The following FANK1 variants were observed in gnomAD, a reference collection of about 807,000 sequenced individuals.
FANK1 encodes fibronectin type III and ankyrin repeat domains 1.
FANK1 carries 44 observed loss-of-function variants against 45.3 expected under a neutral mutation model. The ratio of observed to expected loss-of-function variants is 0.97; its 90% CI spans 0.76 to 1.25. FANK1 has a LOEUF of 1.25. FANK1 is among the 50% of genes most tolerant of loss of function. The probability of loss-of-function intolerance (pLI) is 0.00; values close to 1 mark genes in which losing one functional copy is unlikely to be tolerated. For synonymous variants in FANK1, 149 were observed against 152.5 expected (o/e 0.98, Z 0.17); for missense variants, 391 against 424.4 (o/e 0.92, Z 0.69).
chr10:125,907,743 T>C (rs1399703322), intron 1 of FANK1, among the ~76,000 whole-genome samples: 1 of 152,076 alleles, frequency 6.6e-6, no homozygotes, highest in Non-Finnish European at 1.5e-5. Context: ...TGTGACCATA[T>C]TGAGAAAGCC....
chr10:125,944,135 G>A (rs980356036), intron 1 of FANK1, among the ~76,000 whole-genome samples: 1 of 152,224 alleles, frequency 6.6e-6, no homozygotes, highest in Non-Finnish European at 1.5e-5. Flanking sequence ...TTGGTTTGCT[G>A]TAGAACATGA....
chr10:126,002,721 C>G (rs904243223), intron 6 of FANK1, among the ~76,000 whole-genome samples: 1 of 151,174 alleles, frequency 6.6e-6, no homozygotes, highest in Non-Finnish European at 1.5e-5. Context: ...GTATACCCCC[C>G]ACCTAGGCTT....
chr10:125,939,499 G>A (rs1205556578), intron 1 of FANK1, among the ~76,000 whole-genome samples: 4 of 152,122 alleles, frequency 2.6e-5, no homozygotes, highest in Non-Finnish European at 4.4e-5. Flanking sequence ...AAGCAAATGT[G>A]GCAACATTTT....
At chr10:125,955,980 A>G (rs1949547752) in intron 1 of FANK1, among the ~76,000 whole-genome samples, 2 of 152,156 alleles carry the variant, frequency 1.3e-5, no homozygotes, top group Admixed American at 1.3e-4. Context: ...TAGTCAACGG[A>G]ACTATGACTC....
intron 1 of FANK1, chr10:125,979,712 C>G (rs1383618481): frequency 5.7e-6 from 2 of 353,518 alleles, no homozygotes; most frequent in East Asian, 8.1e-5. Context: ...GGCCTTTATT[C>G]CTGGTTAGTT....
intron 1 of FANK1, among the ~76,000 whole-genome samples, chr10:125,956,560 T>C (rs1949590115): frequency 1.3e-5 from 2 of 152,222 alleles, no homozygotes; most frequent in Non-Finnish European, 2.9e-5. Context: ...ACAGAAAATA[T>C]ACCACAGGTA....
At position 125,936,334 on chromosome 10, in the gene FANK1, T is replaced by G. The variant is rs1948094319; in HGVS notation, c.13+39679T>G. The stretch of plus-strand genomic sequence containing the variant: ...TAACTGAAATTTAAACATAACTTTT[T>G]ATAGAAATAAAAAGGATATACAGAA... On this transcript the variant is annotated intron_variant, in intron 1 of 10. Coordinates refer to ENST00000368693, the MANE Select transcript of FANK1 (RefSeq NM_145235.5). Among the ~76,000 whole-genome samples the G allele has an allele frequency of 2.0e-5, 3 of 151,496 alleles. No individual in the cohort carries two copies. In the South Asian group the frequency reaches 6.2e-4, roughly 31 times the overall value.
chr10:125,900,642 T>TTTG (rs1944954803), intron 1 of FANK1, among the ~76,000 whole-genome samples: 1 of 151,956 alleles, frequency 6.6e-6, no homozygotes, highest in Non-Finnish European at 1.5e-5. Context: ...TTTTTGTTTG[T>TTTG]TTGTTTGTTG....
At chr10:125,975,765 G>A (rs1348719698) in intron 1 of FANK1, among the ~76,000 whole-genome samples, 1 of 152,180 alleles carries the variant, frequency 6.6e-6, no homozygotes, top group Admixed American at 6.5e-5. Context: ...GGGGCATTTA[G>A]CCTGTTTACA....
intron 1 of FANK1, among the ~76,000 whole-genome samples, chr10:125,935,565 C>G (rs1948041763): frequency 6.6e-6 from 1 of 151,960 alleles, no homozygotes. Flanking sequence ...GGGGAGTTGT[C>G]TTTAAGAAAA....
chr10:125,957,421 A>G (rs950634908), intron 1 of FANK1, among the ~76,000 whole-genome samples: 4 of 121,706 alleles, frequency 3.3e-5, no homozygotes, highest in Non-Finnish European at 7.4e-5. Context: ...TGTATCTTGT[A>G]TGGTTTCTCT....
intron 1 of FANK1, among the ~76,000 whole-genome samples, chr10:125,920,669 A>G (rs1946881855): frequency 6.6e-6 from 1 of 152,234 alleles, no homozygotes; most frequent in Non-Finnish European, 1.5e-5. Flanking sequence ...GTTGACCCAG[A>G]GGAACCACTG....
rs368728825 is a variant in FANK1, at chr10:125,979,579, A to G, written c.14-582A>G. Among the ~76,000 whole-genome samples the G allele has an allele frequency of 2.7e-4, 41 of 152,306 alleles. No homozygotes were observed. The South Asian group carries it at 8.1e-3, about 30-fold the overall frequency. ...CTGACTGGATATAAAGTTATACCCC[A>G]TTGTTACCAATTTCTGTGAGCACTA... On this transcript the variant is annotated intron_variant, in intron 1 of 10. Transcript: ENST00000368693.
intron 1 of FANK1, chr10:125,972,725 G>T (rs903216596): frequency 6.6e-6 from 1 of 151,928 alleles, no homozygotes; most frequent in South Asian, 2.1e-4. Flanking sequence ...TATCAGTGGG[G>T]CGTACACTAA....
intron 3 of FANK1, 53 bp downstream of exon 3, chr10:125,988,728 A>G: frequency 6.2e-7 from 1 of 1,614,036 alleles, no homozygotes; most frequent in Non-Finnish European, 8.5e-7. Flanking sequence ...TGGAGATGAC[A>G]AGCAATTTAG....
chr10:126,006,157 C>T (rs534411702), intron 7 of FANK1, among the ~76,000 whole-genome samples: 31 of 152,246 alleles, frequency 2.0e-4, no homozygotes, highest in Admixed American at 1.4e-3. Flanking sequence ...GAAATTAAGT[C>T]GATGACCTGG....
intron 1 of FANK1, among the ~76,000 whole-genome samples, chr10:125,967,955 C>T (rs1288415331): frequency 6.6e-6 from 1 of 152,026 alleles, no homozygotes; most frequent in African/African-American, 2.4e-5. Flanking sequence ...GTGTAATATA[C>T]AGTGTAATGC....
chr10:125,932,889 G>A (rs562614514), intron 1 of FANK1, among the ~76,000 whole-genome samples: 14 of 152,130 alleles, frequency 9.2e-5, no homozygotes, highest in Non-Finnish European at 1.9e-4. Flanking sequence ...TGTGTACCAT[G>A]TTTGCTGAGA....
At chr10:125,912,925 G>A (rs535632806) in intron 1 of FANK1, among the ~76,000 whole-genome samples, 44 of 152,348 alleles carry the variant, frequency 2.9e-4, no homozygotes, top group African/African-American at 1.1e-3. Flanking sequence ...GTAAGCCATC[G>A]TGTCCAGCCT....
Sources: allele counts gnomAD v4.1 joint callset (sites outside exome capture counted in the v4.1 genomes callset), GRCh38; gene constraint gnomAD v4.1.1; transcripts MANE v1.5; gene names NCBI Gene and HGNC (gene_info 2026-07-23, HGNC 2026-07-21).